ATP2B2: variants seen among roughly 807,000 people sequenced by gnomAD.
ATP2B2 encodes the protein ATPase plasma membrane Ca2+ transporting 2, also known as plasma membrane calcium-transporting ATPase 2.
In ATP2B2, 15 loss-of-function variants were observed where a neutral mutation model predicts 120.0. The ratio of observed to expected loss-of-function variants is 0.12; its 90% CI spans 0.08 to 0.19. ATP2B2 has a LOEUF of 0.19. Among genes scored for constraint, ATP2B2 ranks in the 10% least tolerant of loss-of-function variants. The pLI is 1.00. For missense variants in ATP2B2, 1,045 were observed against 1,719.8 expected (o/e 0.61, Z 6.94); for synonymous variants, 694 against 700.3 (o/e 0.99, Z 0.14).
chr3:10,371,132 G>A (rs1193529563), intron 12 of ATP2B2, among the ~76,000 whole-genome samples: 1 of 152,236 alleles, frequency 6.6e-6, no homozygotes, highest in Non-Finnish European at 1.5e-5. Flanking sequence ...GTGTGAATCT[G>A]GGCTGGCCTC....
At position 10,449,648 on chromosome 3, in the gene ATP2B2, A is replaced by T; in HGVS notation, c.-105T>A. On this transcript the variant is annotated 5_prime_UTR_variant, in exon 2 of 23. Coordinates refer to ENST00000360273, the MANE Select transcript of ATP2B2 (RefSeq NM_001001331.4). ...TGTCCTCAGCACACCCTCACTGGTC[A>T]GCTGTGGCACCAGGCGGCCGACTCC... 1 of 1,447,156 alleles carries T rather than the reference A, an allele frequency of 6.9e-7. No homozygotes were observed. The highest frequency in any genetic ancestry group is 2.3e-5 in the East Asian group (1 of 44,030). 89.6% of individuals were successfully genotyped at this position (1,447,156 alleles called of 1,614,324 possible).
At chr3:10,421,343 C>A (rs2062973521) in intron 2 of ATP2B2, among the ~76,000 whole-genome samples, 1 of 152,186 alleles carries the variant, frequency 6.6e-6, no homozygotes, top group South Asian at 2.1e-4. Flanking sequence ...GGGCTGCCAG[C>A]TCCCACAGGG....
chr3:10,553,136 C>T (rs544530219), intron 2 of ATP2B2, among the ~76,000 whole-genome samples: 5 of 152,310 alleles, frequency 3.3e-5, no homozygotes, highest in Admixed American at 3.3e-4. Context: ...CTGCAAAATG[C>T]CACCGGAATT....
chr3:10,696,644 AC>A (rs1276595321), intron 1 of ATP2B2, among the ~76,000 whole-genome samples: 1 of 151,562 alleles, frequency 6.6e-6, no homozygotes, highest in Non-Finnish European at 1.5e-5. Flanking sequence ...CAGCCCTGAC[AC>A]CCCCTCACTC....
chr3:10,677,086 T>C (rs2071265568), intron 1 of ATP2B2, among the ~76,000 whole-genome samples: 1 of 152,224 alleles, frequency 6.6e-6, no homozygotes, highest in South Asian at 2.1e-4. Context: ...GTTGAGAACT[T>C]ATGTCCACAC....
intron 2 of ATP2B2, among the ~76,000 whole-genome samples, chr3:10,556,231 G>A (rs1432257957): frequency 1.3e-5 from 2 of 152,134 alleles, no homozygotes; most frequent in East Asian, 1.9e-4. Flanking sequence ...CAGTGCTCAC[G>A]GAAAACCCAG....
intron 2 of ATP2B2, among the ~76,000 whole-genome samples, chr3:10,561,082 T>A (rs1187609575): frequency 6.6e-6 from 1 of 152,216 alleles, no homozygotes; most frequent in Admixed American, 6.5e-5. Context: ...CACATAGGGT[T>A]CTGTACAAGT....
intron 2 of ATP2B2, among the ~76,000 whole-genome samples, chr3:10,430,443 G>T (rs889270335): frequency 7.2e-5 from 11 of 152,290 alleles, no homozygotes; most frequent in African/African-American, 2.6e-4. Flanking sequence ...AACCCTCATG[G>T]ATAACTTTGA....
At chr3:10,387,192 T>G (rs933301455) in intron 6 of ATP2B2, among the ~76,000 whole-genome samples, 1 of 152,232 alleles carries the variant, frequency 6.6e-6, no homozygotes, top group Admixed American at 6.5e-5. Context: ...AGTTTCAGCC[T>G]CAGCACCCCT....
rs1419809069 is a variant in ATP2B2, at chr3:10,707,968, C to T, written c.-513G>A. The T allele has an allele frequency of 1.5e-4, 22 of 148,526 alleles. 1 individual carries two copies. The South Asian group carries it at 2.7e-3, about 18-fold the overall frequency. The allele number at this position is 148,526 out of a possible 1,614,324, so 9.2% of individuals were successfully genotyped here. A position where few individuals can be genotyped will look rare whatever the true frequency, so the allele number is the denominator to read the frequency against. On this transcript the variant is annotated 5_prime_UTR_variant, in exon 1 of 22. Coordinates refer to the ATP2B2 transcript ENST00000646379. Reference sequence around the variant, plus strand: ...CCGCCGCCGCTGCCGCCGCCGCTGCCGCTGGTGCGCGCCCGGCCCGGCCCG... The same window carrying T: ...CCGCCGCCGCTGCCGCCGCCGCTGCTGCTGGTGCGCGCCCGGCCCGGCCCG...
rs567403794 is a variant in ATP2B2, at chr3:10,379,111, G to T, written c.1042+132C>A. 1.3e-4 allele frequency: 146 copies of T among 1,091,484 alleles called. 1 individual carries two copies. The East Asian group carries it at 2.7e-3, about 20-fold the overall frequency. 67.6% of individuals were successfully genotyped at this position (1,091,484 alleles called of 1,614,324 possible). The stretch of plus-strand genomic sequence containing the variant: ...ATGCAAATCACAGCTACACCCCCAA[G>T]GTCGTCAGACACCTGTAGGAGTGGA... On this transcript the variant is annotated intron_variant, in intron 9 of 22. Transcript: ENST00000360273.
chr3:10,488,475 C>A (rs1000176730), intron 1 of ATP2B2, among the ~76,000 whole-genome samples: 4,018 of 93,734 alleles, frequency 0.043, 204 homozygotes, highest in African/African-American at 0.17. Context: ...TCCTTCCTTC[C>A]TTCCTTCCTT....
At chr3:10,658,077 C>G (rs1169739575) in intron 1 of ATP2B2, among the ~76,000 whole-genome samples, 3 of 152,194 alleles carry the variant, frequency 2.0e-5, no homozygotes, top group Non-Finnish European at 4.4e-5. Flanking sequence ...AAAGGACATT[C>G]ACACCAAAAC....
intron 2 of ATP2B2, among the ~76,000 whole-genome samples, chr3:10,567,575 T>C (rs1280462621): frequency 6.6e-6 from 1 of 152,178 alleles, no homozygotes; most frequent in East Asian, 1.9e-4. Context: ...AAAATAGAGA[T>C]GATGACAGGG....
chr3:10,423,451 C>T (rs900769137), intron 2 of ATP2B2, among the ~76,000 whole-genome samples: 18 of 152,202 alleles, frequency 1.2e-4, no homozygotes, highest in African/African-American at 3.9e-4. Context: ...AAGGGAACAA[C>T]GGCTCGGCTT....
intron 1 of ATP2B2, among the ~76,000 whole-genome samples, chr3:10,657,532 C>T (rs555904078): frequency 4.7e-4 from 71 of 152,308 alleles, no homozygotes; most frequent in African/African-American, 1.1e-3. Context: ...AACTGCCAGG[C>T]GGCAGCGAGG....
In ATP2B2 at chr3:10,585,493, G is replaced by GAAAAAAAAAAAAAAAAA. The variant is rs60670471; in HGVS notation, c.-415+34407_-415+34423dup. ...TGGGCGACAGAGCGAGACTCCGTCT[G>GAAAAAAAAAAAAAAAAA]AAAAAAAAAAAAAAAAAAAAAAAAG... is the stretch of plus-strand genomic sequence containing the variant. On this transcript the variant is annotated intron_variant, in intron 2 of 21. Transcript: ENST00000646379. Among the ~76,000 whole-genome samples, 4 of 28,508 alleles carry GAAAAAAAAAAAAAAAAA rather than the reference G, an allele frequency of 1.4e-4. 1 individual carries two copies. Among genetic ancestry groups the GAAAAAAAAAAAAAAAAA allele is most frequent in the South Asian group, 6.2e-3 (2 of 324 alleles). The allele number at this position is 28,508 out of a possible 152,430, so 18.7% of individuals were successfully genotyped here. A position where few individuals can be genotyped will look rare whatever the true frequency, so the allele number is the denominator to read the frequency against.
chr3:10,700,599 A>G (rs1347597346), intron 1 of ATP2B2, among the ~76,000 whole-genome samples: 1 of 152,184 alleles, frequency 6.6e-6, no homozygotes, highest in Non-Finnish European at 1.5e-5. Flanking sequence ...AAACACTAAC[A>G]TTTTTGGCAT....
At chr3:10,596,099 A>C (rs961493374) in intron 2 of ATP2B2, among the ~76,000 whole-genome samples, 5 of 152,072 alleles carry the variant, frequency 3.3e-5, no homozygotes, top group Non-Finnish European at 7.4e-5. Context: ...TGACTACCCA[A>C]GCTAAGTAGC....
Sources: gnomAD v4.1 joint callset for allele counts (sites outside exome capture counted in the v4.1 genomes callset) on GRCh38, gnomAD v4.1.1 for gene constraint, MANE v1.5 for transcripts, NCBI Gene and HGNC (gene_info 2026-07-23, HGNC 2026-07-21) for gene names.